MYB: variants seen among roughly 807,000 people sequenced by gnomAD.
MYB encodes transcriptional activator Myb.
Under a neutral mutation model 92.9 loss-of-function variants are expected in MYB, and 28 were observed. The ratio of observed to expected loss-of-function variants is 0.30; its 90% CI spans 0.22 to 0.41. The LOEUF (loss-of-function observed/expected upper bound fraction) is 0.41, where lower values mean the gene tolerates loss of function less well. Ranked by LOEUF, MYB falls within the 10% of genes least tolerant of loss-of-function variation. MYB has a pLI of 1.00. For synonymous variants in MYB, 295 were observed against 329.1 expected, an observed-to-expected ratio of 0.90 and a Z score of 1.12; for missense variants, 679 against 929.3, an observed-to-expected ratio of 0.73 and a Z score of 3.50.
At chr6:135,202,134 C>T (rs1258243552) in intron 14 of MYB, among the ~76,000 whole-genome samples, 1 of 152,120 alleles carries the variant, frequency 6.6e-6, no homozygotes, top group African/African-American at 2.4e-5. Context: ...GTATCAACCA[C>T]GTTGTCTATA....
chr6:135,194,355 G>C lies in MYB; in HGVS notation c.844-1G>C. On this transcript the variant is annotated splice_acceptor_variant, in intron 7 of 15. Coordinates refer to ENST00000341911, the MANE Select transcript of MYB (RefSeq NM_001130173.2). LOFTEE classifies it high-confidence loss of function. Reference sequence around the variant, plus strand: ...TTATTTCCCTTACTTTGTAATTTCAGAGACACTATAATGATGAAGACCCTG... The same window carrying C: ...TTATTTCCCTTACTTTGTAATTTCACAGACACTATAATGATGAAGACCCTG... 1 of 1,599,318 alleles carries C rather than the reference G, an allele frequency of 6.3e-7. No individual in the cohort carries two copies. The highest frequency in any genetic ancestry group is 8.5e-7 in the Non-Finnish European group (1 of 1,169,648).
intron 15 of MYB, among the ~76,000 whole-genome samples, chr6:135,205,370 C>T (rs1182415536): frequency 3.3e-5 from 5 of 151,972 alleles, no homozygotes; most frequent in Non-Finnish European, 7.4e-5. Context: ...CTGGGGCCAA[C>T]TTGTATTTGT....
In MYB at chr6:135,190,783, T is replaced by C. The variant is rs1366499304; in HGVS notation, c.527+436T>C. Among the ~76,000 whole-genome samples, 1 of 152,126 alleles carries C rather than the reference T, an allele frequency of 6.6e-6. No homozygotes were observed. The highest frequency in any genetic ancestry group is 1.9e-4 in the East Asian group (1 of 5,208). On this transcript the variant is annotated intron_variant, in intron 5 of 15. Coordinates refer to ENST00000341911, the MANE Select transcript of MYB (RefSeq NM_001130173.2). The surrounding 1 kb of genome is among the most constrained non-coding windows in gnomAD (Gnocchi z 4.5). ...TTTCCTGATAACCATCATTCATTTCTTTTATTTTTTTTAATTATTATTTTT... is the reference window on the plus strand; with the variant it reads ...TTTCCTGATAACCATCATTCATTTCCTTTATTTTTTTTAATTATTATTTTT...
Position 135,196,978 on chromosome 6 carries a change from T to G in MYB, c.1221T>G (p.Cys407Trp), listed in dbSNP as rs756535196. The G allele has an allele frequency of 1.2e-6, 2 of 1,613,520 alleles. No homozygotes were observed. Among genetic ancestry groups the G allele is most frequent in the East Asian group, 2.2e-5 (1 of 44,886 alleles). Residue 407 changes from cysteine to tryptophan, a missense_variant, in exon 10 of 16, where the codon TGT becomes TGG. Physicochemically the swap from Cys to Trp is radical, Grantham distance 215 (BLOSUM62 -2). Transcript: ENST00000341911. ...QFIDSDSSSW[C>W]DLSSFEFFEE... Reference sequence around the variant, plus strand: ...TGTTTCAGGATTCTTCATCATGGTGTGATCTCAGCAGTTTTGAATTCTTTG... The same window carrying G: ...TGTTTCAGGATTCTTCATCATGGTGGGATCTCAGCAGTTTTGAATTCTTTG...
chr6:135,216,855 A>G (rs1173815697), intron 15 of MYB, among the ~76,000 whole-genome samples: 2 of 152,226 alleles, frequency 1.3e-5, no homozygotes, highest in African/African-American at 4.8e-5. Context: ...GGAGACAGCA[A>G]AGTTCAAAGC....
At chr6:135,189,911 C>T in intron 4 of MYB, 28 bp downstream of exon 4, 1 of 1,578,100 alleles carries the variant, frequency 6.3e-7, no homozygotes, top group Non-Finnish European at 8.7e-7. Context: ...TGGTGTGTGA[C>T]TCATAATTAA....
Position 135,218,872 on chromosome 6 carries a change from T to A in MYB, c.*892T>A, listed in dbSNP as rs1780754010. 1 of 228,704 alleles carries A rather than the reference T, an allele frequency of 4.4e-6. No homozygotes were observed. The highest frequency in any genetic ancestry group is 5.7e-5 in the Admixed American group (1 of 17,606). 14.2% of individuals were successfully genotyped at this position (228,704 alleles called of 1,614,324 possible). On this transcript the variant is annotated 3_prime_UTR_variant, in exon 16 of 16. Coordinates refer to ENST00000341911, the MANE Select transcript of MYB (RefSeq NM_001130173.2). ...ATTGTTGGTTTATACAAGCATGCGT[T>A]GCACTTCTTTTTTGGGAGATGTGTG...
chr6:135,195,109 TTTTGTTA>T, intron 8 of MYB: 1 of 1,250,754 alleles, frequency 8.0e-7, no homozygotes. Flanking sequence ...TAAATTTATT[TTTTGTTA>T]AATAATAAGA....
At chr6:135,199,503 T>C in intron 11 of MYB, 1 of 910,050 alleles carries the variant, frequency 1.1e-6, no homozygotes, top group Non-Finnish European at 1.4e-6. Flanking sequence ...AATCTTATTT[T>C]TTCTTTTTGA....
rs545683781 is a variant in MYB, at chr6:135,209,589, T to G, written c.2169+6265T>G. ...TCTCCATGTATCCCCTAATCTATAATCTACAGTGCTTAAATAGAGGCTTTT... is the reference window on the plus strand; with the variant it reads ...TCTCCATGTATCCCCTAATCTATAAGCTACAGTGCTTAAATAGAGGCTTTT... On this transcript the variant is annotated intron_variant, in intron 15 of 15. Transcript: ENST00000341911. 2.0e-5 allele frequency among the ~76,000 whole-genome samples: 3 copies of G among 152,342 alleles called. No homozygotes were observed. The South Asian group carries it at 6.2e-4, about 32-fold the overall frequency.
chr6:135,189,722 T>C (rs1050007042), intron 3 of MYB, 69 bp from the exon 4 acceptor site: 1 of 1,315,436 alleles, frequency 7.6e-7, no homozygotes, highest in Non-Finnish European at 1.1e-6. Context: ...GTGTGATTCC[T>C]ATTACAACAA....
Position 135,199,940 on chromosome 6 carries a change from A to G in MYB, c.1710-145A>G, listed in dbSNP as rs2128301707. 1.2e-5 allele frequency: 8 copies of G among 651,640 alleles called. 1 individual carries two copies. Among genetic ancestry groups the G allele is most frequent in the South Asian group, 1.2e-4 (6 of 51,654 alleles). The allele number at this position is 651,640 out of a possible 1,614,324, so 40.4% of individuals were successfully genotyped here. On this transcript the variant is annotated intron_variant, in intron 11 of 15. Coordinates refer to ENST00000341911, the MANE Select transcript of MYB (RefSeq NM_001130173.2). ...ATGCATATTCTCTTTTTCTTAACGA[A>G]TAACGTGATTAATCAGCACACCCCA...
intron 15 of MYB, among the ~76,000 whole-genome samples, chr6:135,212,477 T>G (rs1400612191): frequency 6.6e-6 from 1 of 152,148 alleles, no homozygotes; most frequent in Non-Finnish European, 1.5e-5. Context: ...TGTTTCTTTT[T>G]ATTTCTTCTG....
rs1250445633 is a variant in MYB, at chr6:135,198,978, T to G, written c.1637T>G (p.Ile546Ser). The stretch of plus-strand genomic sequence containing the variant: ...CCTTCTTTAACTTCCACCCCCCTCA[T>G]TGGTCACAAATTGACTGTTACAACA... ...EMPSLTSTPL[I>S]GHKLTVTTPF... is the part of the protein sequence containing the mutation. Residue 546 changes from isoleucine (I) to serine (S), a missense_variant, in exon 11 of 16, where the codon ATT becomes AGT. Ile to Ser is a moderately radical substitution (Grantham distance 142). Coordinates refer to ENST00000341911, the MANE Select transcript of MYB (RefSeq NM_001130173.2). The G allele has an allele frequency of 1.9e-6, 3 of 1,611,652 alleles. No homozygotes were observed. In the East Asian group the frequency reaches 6.7e-5, roughly 36 times the overall value.
At chr6:135,192,913 G>T (rs973660110) in intron 6 of MYB, among the ~76,000 whole-genome samples, 1 of 152,170 alleles carries the variant, frequency 6.6e-6, no homozygotes. Context: ...GAATGGAGTC[G>T]CATTTGTAGA....
At chr6:135,193,760 G>A (rs1450929138) in intron 6 of MYB, 78 bp from the exon 7 acceptor site, 5 of 935,944 alleles carry the variant, frequency 5.3e-6, no homozygotes, top group African/African-American at 3.3e-5. Flanking sequence ...GTCCCAGAAC[G>A]AAACCTCAGG....
chr6:135,216,699 C>T (rs1313149291), intron 15 of MYB, among the ~76,000 whole-genome samples: 2 of 152,164 alleles, frequency 1.3e-5, no homozygotes, highest in Non-Finnish European at 1.5e-5. Flanking sequence ...AAATTTGTTT[C>T]CCTGTTATGA....
At chr6:135,186,891 C>G (rs919941849) in intron 2 of MYB, among the ~76,000 whole-genome samples, 4 of 152,230 alleles carry the variant, frequency 2.6e-5, no homozygotes, top group Non-Finnish European at 4.4e-5. Context: ...GGTATTGGCT[C>G]TTCTTCAGTT....
intron 1 of MYB, among the ~76,000 whole-genome samples, chr6:135,185,041 G>A (rs1775734795): frequency 6.6e-6 from 1 of 152,146 alleles, no homozygotes; most frequent in Admixed American, 6.5e-5. Flanking sequence ...ATAGTAATGG[G>A]TTCTTTTAAA....
Sources: allele counts gnomAD v4.1 joint callset (sites outside exome capture counted in the v4.1 genomes callset), GRCh38; gene constraint gnomAD v4.1.1; non-coding constraint Gnocchi (gnomAD v3.1); transcripts MANE v1.5; gene names NCBI Gene and HGNC (gene_info 2026-07-23, HGNC 2026-07-21).